HS2ST1: variants seen among roughly 807,000 people sequenced by gnomAD.
The protein encoded by HS2ST1 is 2-O-sulfotransferase.
HS2ST1 carries 18 observed loss-of-function variants against 42.9 expected under a neutral mutation model. The observed-to-expected ratio is 0.42, with a 90% CI of 0.29 to 0.62. The LOEUF is 0.62. Among genes scored for constraint, HS2ST1 ranks in the 20% least tolerant of loss-of-function variants. The pLI is 0.21. For missense variants in HS2ST1, 334 were observed against 433.8 expected (o/e 0.77, Z 2.04); for synonymous variants, 146 against 152.9 (o/e 0.95, Z 0.33).
rs763652014 is a variant in HS2ST1, at chr1:86,949,426, A to AT, written c.124+34272dup. On this transcript the variant is annotated intron_variant, in intron 1 of 6. Transcript: ENST00000370550. ...GCTCACCCAAGAATCTTCACTTTAA[A>AT]TTTTTTATATTTTTTGGCCATACAT... 1.4e-3 allele frequency among the ~76,000 whole-genome samples: 207 copies of AT among 152,192 alleles called. 1 individual carries two copies. The highest frequency in any genetic ancestry group is 4.8e-3 in the African/African-American group (200 of 41,526).
At chr1:87,049,102 T>G (rs992667227) in intron 1 of HS2ST1, among the ~76,000 whole-genome samples, 1 of 152,066 alleles carries the variant, frequency 6.6e-6, no homozygotes, top group Admixed American at 6.6e-5. Flanking sequence ...ATCTATACAT[T>G]TAATAGATTT....
chr1:86,995,240 A>G (rs1649063646), intron 1 of HS2ST1, among the ~76,000 whole-genome samples: 1 of 152,208 alleles, frequency 6.6e-6, no homozygotes, highest in South Asian at 2.1e-4. Flanking sequence ...CATAAATGTC[A>G]AAATTTAAGT....
intron 4 of HS2ST1, 144 bp downstream of exon 4, chr1:87,092,813 CA>C: frequency 2.4e-6 from 1 of 421,000 alleles, no homozygotes; most frequent in South Asian, 7.7e-5. Context: ...TATAAAGAAG[CA>C]AAATGAAGAA....
chr1:86,923,398 C>CTTT (rs1440334959), intron 1 of HS2ST1, among the ~76,000 whole-genome samples: 1 of 137,820 alleles, frequency 7.3e-6, no homozygotes. Flanking sequence ...AGGGGAACGC[C>CTTT]TTTTTTTTTT....
At chr1:86,990,296 A>AT (rs1001472616) in intron 1 of HS2ST1, among the ~76,000 whole-genome samples, 2 of 152,136 alleles carry the variant, frequency 1.3e-5, no homozygotes, top group Admixed American at 1.3e-4. Context: ...TGACTTTGCC[A>AT]TTTTTTGTGA....
At chr1:87,005,148 C>T (rs904684924) in intron 1 of HS2ST1, among the ~76,000 whole-genome samples, 21 of 152,090 alleles carry the variant, frequency 1.4e-4, no homozygotes, top group Non-Finnish European at 1.6e-4. Flanking sequence ...ATATCTTTTG[C>T]TATGAATCTC....
intron 1 of HS2ST1, among the ~76,000 whole-genome samples, chr1:86,976,005 A>AT (rs1230606924): frequency 6.6e-6 from 1 of 152,148 alleles, no homozygotes; most frequent in East Asian, 1.9e-4. Context: ...TATCTTTGGT[A>AT]TTTTTTGTCC....
At chr1:86,970,958 G>A (rs12734831) in intron 1 of HS2ST1, among the ~76,000 whole-genome samples, 111,913 of 151,916 alleles carry the variant, frequency 0.74, 42,194 homozygotes, top group East Asian at 0.97. Flanking sequence ...TCTCTTTTAC[G>A]GAAAAGGCCC....
In HS2ST1 at chr1:87,051,562, T is replaced by A. The variant is rs1196445601; in HGVS notation, c.125-21372T>A. On this transcript the variant is annotated intron_variant, in intron 1 of 6. Transcript: ENST00000370550. Reference sequence around the variant, plus strand: ...GTTCAGTAGTCTGCAAAATAAAGAATATTCTACTTGAGAATTTTTTTCTTA... The same window carrying A: ...GTTCAGTAGTCTGCAAAATAAAGAAAATTCTACTTGAGAATTTTTTTCTTA... Among the ~76,000 whole-genome samples, 14 of 152,232 alleles carry A rather than the reference T, an allele frequency of 9.2e-5. 1 individual carries two copies. The highest frequency in any genetic ancestry group is 9.2e-4 in the Admixed American group (14 of 15,286).
At chr1:87,056,119 T>C (rs1442552145) in intron 1 of HS2ST1, among the ~76,000 whole-genome samples, 1 of 152,168 alleles carries the variant, frequency 6.6e-6, no homozygotes, top group African/African-American at 2.4e-5. Context: ...AGGAATCTGC[T>C]CTCATGAAAG....
intron 1 of HS2ST1, among the ~76,000 whole-genome samples, chr1:87,026,328 G>T (rs1466723629): frequency 1.3e-5 from 2 of 152,176 alleles, no homozygotes; most frequent in African/African-American, 4.8e-5. Flanking sequence ...AATATGGTAG[G>T]ATCATACTCT....
intron 4 of HS2ST1, among the ~76,000 whole-genome samples, chr1:87,094,486 A>G (rs1185552767): frequency 6.6e-6 from 1 of 152,112 alleles, no homozygotes. Flanking sequence ...TTTACAGAAA[A>G]GGAAACTGTG....
At chr1:87,088,241 C>T (rs974656262) in intron 3 of HS2ST1, among the ~76,000 whole-genome samples, 1 of 152,016 alleles carries the variant, frequency 6.6e-6, no homozygotes, top group African/African-American at 2.4e-5. Flanking sequence ...AAGGTTTACA[C>T]ATTTTTGTCT....
intron 1 of HS2ST1, among the ~76,000 whole-genome samples, chr1:86,939,057 A>C (rs1391896889): frequency 6.6e-6 from 1 of 152,194 alleles, no homozygotes; most frequent in Admixed American, 6.5e-5. Context: ...ATGCAAATAA[A>C]TTCAATTTAA....
At chr1:86,933,944 T>TA (rs1403886474) in intron 1 of HS2ST1, among the ~76,000 whole-genome samples, 1 of 152,172 alleles carries the variant, frequency 6.6e-6, no homozygotes, top group Non-Finnish European at 1.5e-5. Context: ...GGCTTGTAGT[T>TA]ATTTAAGCTG....
chr1:86,954,773 A>T (rs1465085018), intron 1 of HS2ST1, among the ~76,000 whole-genome samples: 1 of 152,182 alleles, frequency 6.6e-6, no homozygotes, highest in African/African-American at 2.4e-5. Context: ...TTCAATGAGA[A>T]AAGAGTCAAG....
intron 1 of HS2ST1, chr1:86,993,055 G>A: frequency 6.3e-7 from 1 of 1,584,276 alleles, no homozygotes. Flanking sequence ...CTGGCATCAG[G>A]GGAAGGTCAC....
intron 1 of HS2ST1, among the ~76,000 whole-genome samples, chr1:87,050,542 G>GA (rs1198123149): frequency 6.6e-6 from 1 of 151,960 alleles, no homozygotes; most frequent in Admixed American, 6.5e-5. Flanking sequence ...ATGGAGAATG[G>GA]TACCCACAGG....
At chr1:87,035,860 T>A (rs1303870905) in intron 1 of HS2ST1, among the ~76,000 whole-genome samples, 1 of 151,888 alleles carries the variant, frequency 6.6e-6, no homozygotes, top group South Asian at 2.1e-4. Flanking sequence ...CTGGGATACA[T>A]GTGCAAAACC....
Sources: allele counts gnomAD v4.1 joint callset (sites outside exome capture counted in the v4.1 genomes callset), GRCh38; gene constraint gnomAD v4.1.1; transcripts MANE v1.5; gene names NCBI Gene and HGNC (gene_info 2026-07-23, HGNC 2026-07-21).